GAS7: variants seen among roughly 807,000 people sequenced by gnomAD.
The protein encoded by GAS7 is growth arrest-specific protein 7.
GAS7 carries 28 observed loss-of-function variants against 71.1 expected under a neutral mutation model. The ratio of observed to expected loss-of-function variants is 0.39; its 90% CI spans 0.29 to 0.54. The LOEUF (loss-of-function observed/expected upper bound fraction) is 0.54. Among genes scored for constraint, GAS7 ranks in the 20% least tolerant of loss-of-function variants. The pLI is 0.62. For synonymous variants in GAS7, 258 were observed against 245.8 expected (o/e 1.05, Z -0.46); for missense variants, 436 against 627.8 (o/e 0.69, Z 3.27).
At chr17:10,114,642 T>A (rs1201149475) in intron 1 of GAS7, 1 of 151,024 alleles carries the variant, frequency 6.6e-6, no homozygotes, top group Non-Finnish European at 1.5e-5. Context: ...GCCACCCCCA[T>A]AACAACACCA....
At chr17:10,065,460 C>T (rs983881393) in intron 1 of GAS7, among the ~76,000 whole-genome samples, 1 of 152,128 alleles carries the variant, frequency 6.6e-6, no homozygotes, top group South Asian at 2.1e-4. Flanking sequence ...GAACTCAGTC[C>T]TTGACTCTTT....
intron 1 of GAS7, among the ~76,000 whole-genome samples, chr17:10,155,180 A>C (rs562347491): frequency 3.5e-4 from 53 of 151,758 alleles, no homozygotes; most frequent in Non-Finnish European, 6.6e-4. Flanking sequence ...ACACCCAGCT[A>C]ATTTTTTGTA....
At chr17:9,944,037 G>A (rs911397624) in intron 6 of GAS7, among the ~76,000 whole-genome samples, 10 of 152,204 alleles carry the variant, frequency 6.6e-5, no homozygotes, top group Admixed American at 5.9e-4. Context: ...GGATGGGCAA[G>A]TCAATGAAAT....
chr17:10,139,333 G>A (rs77126940), intron 1 of GAS7, among the ~76,000 whole-genome samples: 1 of 152,174 alleles, frequency 6.6e-6, no homozygotes, highest in Non-Finnish European at 1.5e-5. Flanking sequence ...CAAGCCCTAC[G>A]TGAAGAAACC....
chr17:10,076,847 A>C (rs937594888), intron 1 of GAS7, among the ~76,000 whole-genome samples: 5 of 103,440 alleles, frequency 4.8e-5, no homozygotes, highest in Admixed American at 9.3e-5. Flanking sequence ...GCATATCACC[A>C]GAGCCGGAAT....
intron 7 of GAS7, 146 bp from the exon 8 acceptor site, chr17:9,940,346 A>G (rs2068558393): frequency 1.4e-6 from 1 of 700,082 alleles, no homozygotes; most frequent in African/African-American, 1.8e-5. Context: ...TCTACCTGAC[A>G]TGCAGTAGGT....
At chr17:10,095,109 T>C (rs2073627550) in intron 1 of GAS7, among the ~76,000 whole-genome samples, 1 of 152,134 alleles carries the variant, frequency 6.6e-6, no homozygotes, top group African/African-American at 2.4e-5. Context: ...TCCTCACGCA[T>C]TGACAATGAT....
In GAS7 at chr17:10,103,714, T is replaced by C. The variant is rs2073729976; in HGVS notation, c.184-83817A>G. 6.6e-6 allele frequency among the ~76,000 whole-genome samples: 1 copy of C among 151,602 alleles called. No individual in the cohort carries two copies. Among genetic ancestry groups the C allele is most frequent in the East Asian group, 1.9e-4 (1 of 5,140 alleles). On this transcript the variant is annotated intron_variant, in intron 1 of 13. Coordinates refer to ENST00000432992, the MANE Select transcript of GAS7 (RefSeq NM_201433.2). The surrounding 1 kb of genome is among the most constrained non-coding windows in gnomAD (Gnocchi z 5.5). ...GGTGGCACATGCCTGTAATCCCGGCTACTAGGGAGGCTGAGGCAGGAGAAC... is the reference window on the plus strand; with the variant it reads ...GGTGGCACATGCCTGTAATCCCGGCCACTAGGGAGGCTGAGGCAGGAGAAC...
At chr17:9,985,459 G>C (rs548452077) in intron 2 of GAS7, among the ~76,000 whole-genome samples, 1 of 152,228 alleles carries the variant, frequency 6.6e-6, no homozygotes, top group Non-Finnish European at 1.5e-5. Context: ...ACCCATACCT[G>C]CCGCCTCCTG....
intron 1 of GAS7, among the ~76,000 whole-genome samples, chr17:10,173,079 G>A (rs150734361): frequency 2.6e-5 from 4 of 152,270 alleles, no homozygotes; most frequent in Non-Finnish European, 5.9e-5. Context: ...AACCAAATAC[G>A]AAGTCCACCC....
intron 8 of GAS7, among the ~76,000 whole-genome samples, chr17:9,936,660 A>C (rs2068412334): frequency 6.6e-6 from 1 of 152,196 alleles, no homozygotes; most frequent in Non-Finnish European, 1.5e-5. Flanking sequence ...AAAGCTACTT[A>C]CAAATTCTCT....
intron 1 of GAS7, among the ~76,000 whole-genome samples, chr17:10,122,853 CAG>C (rs1230449294): frequency 6.6e-6 from 1 of 152,020 alleles, no homozygotes; most frequent in Non-Finnish European, 1.5e-5. Context: ...GATTTTGAGA[CAG>C]AGTCTCACTT....
At position 10,026,270 on chromosome 17, in the gene GAS7, C is replaced by T; in HGVS notation, c.184-6373G>A. 1 of 985,578 alleles carries T rather than the reference C, an allele frequency of 1.0e-6. No homozygotes were observed. The highest frequency in any genetic ancestry group is 1.2e-6 in the Non-Finnish European group (1 of 830,086). 61.1% of individuals were successfully genotyped at this position (985,578 alleles called of 1,614,324 possible). On this transcript the variant is annotated intron_variant, in intron 1 of 13. Transcript: ENST00000432992. This position sits in a 1 kb window ranked among gnomAD's most constrained non-coding sequence, Gnocchi z 4.5. ...TCCCACTCTGCATCCTCTCACACCC[C>T]AAACCCAGAAGCAATAGGAGCTCTA...
At chr17:10,091,820 T>C (rs552959785) in intron 1 of GAS7, among the ~76,000 whole-genome samples, 1 of 152,314 alleles carries the variant, frequency 6.6e-6, no homozygotes, top group Admixed American at 6.5e-5. Flanking sequence ...TAGCAGGGAC[T>C]GCAGGCACAT....
At chr17:10,188,283 C>A (rs749101159) in intron 1 of GAS7, among the ~76,000 whole-genome samples, 3 of 152,188 alleles carry the variant, frequency 2.0e-5, no homozygotes, top group Non-Finnish European at 2.9e-5. Context: ...TTACTGAACC[C>A]CTTCCGCATG....
chr17:10,006,644 A>G (rs1368988474), intron 2 of GAS7, among the ~76,000 whole-genome samples: 1 of 141,448 alleles, frequency 7.1e-6, no homozygotes, highest in Non-Finnish European at 1.5e-5. Context: ...AAATTCTTTG[A>G]CTTAGCCTCA....
intron 1 of GAS7, among the ~76,000 whole-genome samples, chr17:10,098,075 C>T (rs1208455860): frequency 6.6e-6 from 1 of 151,114 alleles, no homozygotes; most frequent in Non-Finnish European, 1.5e-5. Context: ...CATTGGGACT[C>T]GCCTCCTTGT....
At chr17:10,012,450 G>A (rs981315980) in intron 2 of GAS7, among the ~76,000 whole-genome samples, 1 of 151,878 alleles carries the variant, frequency 6.6e-6, no homozygotes, top group African/African-American at 2.4e-5. Flanking sequence ...ACCACACCCG[G>A]CTAATTTTTG....
chr17:10,183,916 C>T (rs1156782793), intron 1 of GAS7, among the ~76,000 whole-genome samples: 1 of 152,022 alleles, frequency 6.6e-6, no homozygotes, highest in Non-Finnish European at 1.5e-5. Context: ...GGGATTTGTA[C>T]GCAGACCTGC....
Sources: gnomAD v4.1 joint callset for allele counts (sites outside exome capture counted in the v4.1 genomes callset) on GRCh38, gnomAD v4.1.1 for gene constraint, Gnocchi (gnomAD v3.1) non-coding constraint, MANE v1.5 for transcripts, NCBI Gene and HGNC (gene_info 2026-07-23, HGNC 2026-07-21) for gene names.